Variants in PLD5 observed in about 807,000 individuals in gnomAD.
PLD5 encodes the protein phospholipase D family member 5, also known as inactive phospholipase D5.
PLD5 carries 36 observed loss-of-function variants against 61.1 expected under a neutral mutation model. The observed-to-expected ratio is 0.59, with a 90% CI of 0.45 to 0.78. PLD5 has a LOEUF of 0.78. Ranked by LOEUF, PLD5 falls within the 30% of genes least tolerant of loss-of-function variation. PLD5 has a pLI of 0.00. For synonymous variants in PLD5, 243 were observed against 242.8 expected, an observed-to-expected ratio of 1.00 and a Z score of -0.01; for missense variants, 515 against 644.4, an observed-to-expected ratio of 0.80 and a Z score of 2.17.
rs577218227 is a variant in PLD5, at chr1:242,132,006, T to C, written c.736-7341A>G. ...GCCACTATGCCTGGCTAATTTTTTA[T>C]TTTTAGTAGAGATAGAGTTTCACCA... On this transcript the variant is annotated intron_variant, in intron 5 of 9. Coordinates refer to ENST00000536534, the MANE Select transcript of PLD5 (RefSeq NM_001372062.1). Among the ~76,000 whole-genome samples the C allele has an allele frequency of 1.3e-4, 20 of 151,646 alleles. No individual in the cohort carries two copies. In the East Asian group the frequency reaches 3.9e-3, roughly 30 times the overall value.
intron 4 of PLD5, among the ~76,000 whole-genome samples, chr1:242,249,519 G>C (rs1196252048): frequency 6.6e-6 from 1 of 152,126 alleles, no homozygotes. Flanking sequence ...AAAAGGGAGG[G>C]AGCAAAAAAC....
intron 1 of PLD5, among the ~76,000 whole-genome samples, chr1:242,413,090 G>T (rs1179268386): frequency 1.3e-5 from 2 of 152,108 alleles, no homozygotes; most frequent in African/African-American, 4.8e-5. Context: ...AAGTTCCCGA[G>T]GGCGCCTTCC....
At chr1:242,391,562 TC>T (rs1428143986) in intron 1 of PLD5, among the ~76,000 whole-genome samples, 1 of 30,244 alleles carries the variant, frequency 3.3e-5, no homozygotes, top group African/African-American at 1.8e-4. Flanking sequence ...TCTTTTAATC[TC>T]GCAGAAGTGA....
rs139475183 is a variant in PLD5 at position 242,157,165 on chromosome 1, G to A, written c.736-32500C>T. Among the ~76,000 whole-genome samples, 330 of 152,102 alleles carry A rather than the reference G, an allele frequency of 2.2e-3. 2 individuals carry two copies. Among genetic ancestry groups the A allele is most frequent in the African/African-American group, 7.6e-3 (313 of 41,454 alleles). On this transcript the variant is annotated intron_variant, in intron 5 of 9. Transcript: ENST00000536534. ...CAATTCGGCTATTGATACTGTGTAT[G>A]CTTCACAAAGTTCTCGTGCTATGTT... is the stretch of plus-strand genomic sequence containing the variant.
chr1:242,479,684 A>G (rs1251281105), intron 1 of PLD5, among the ~76,000 whole-genome samples: 1 of 152,182 alleles, frequency 6.6e-6, no homozygotes, highest in Non-Finnish European at 1.5e-5. Flanking sequence ...GCTAAAATAT[A>G]TATAAAATGA....
At chr1:242,285,613 T>C (rs1208032410) in intron 3 of PLD5, among the ~76,000 whole-genome samples, 1 of 151,348 alleles carries the variant, frequency 6.6e-6, no homozygotes, top group Non-Finnish European at 1.5e-5. Context: ...TTTGAAGCCT[T>C]GAGAAAGGGC....
At chr1:242,352,638 A>G (rs1173940735) in intron 1 of PLD5, among the ~76,000 whole-genome samples, 1 of 152,146 alleles carries the variant, frequency 6.6e-6, no homozygotes, top group African/African-American at 2.4e-5. Flanking sequence ...AGTTTTCTAT[A>G]ATGGCTACAC....
chr1:242,278,160 A>C (rs1674516986), intron 3 of PLD5, among the ~76,000 whole-genome samples: 1 of 151,310 alleles, frequency 6.6e-6, no homozygotes, highest in Non-Finnish European at 1.5e-5. Flanking sequence ...AGAGGTTCTT[A>C]CTAATGACAA....
chr1:242,395,003 A>C (rs1465287641), intron 1 of PLD5, among the ~76,000 whole-genome samples: 1 of 137,490 alleles, frequency 7.3e-6, no homozygotes, highest in African/African-American at 2.7e-5. Context: ...ATATGTATAT[A>C]TGAATATATA....
chr1:242,407,141 T>A lies in PLD5; in HGVS notation c.190-58899A>T, dbSNP rs183452472. 2.1e-3 allele frequency among the ~76,000 whole-genome samples: 314 copies of A among 152,278 alleles called. 4 individuals are homozygous for A. Among genetic ancestry groups the A allele is most frequent in the Non-Finnish European group, 1.3e-4 (9 of 68,020 alleles). Reference sequence around the variant, plus strand: ...TCTTTCTCATGATAGTGAGTAAGTCTCATGAGATCTGATGGTTTTATAAAG... The same window carrying A: ...TCTTTCTCATGATAGTGAGTAAGTCACATGAGATCTGATGGTTTTATAAAG... On this transcript the variant is annotated intron_variant, in intron 1 of 9. Transcript: ENST00000536534.
chr1:242,270,329 G>A (rs1673980792), intron 3 of PLD5, among the ~76,000 whole-genome samples: 1 of 151,390 alleles, frequency 6.6e-6, no homozygotes. Flanking sequence ...GGCCGTAGCT[G>A]GAAGACCACT....
intron 3 of PLD5, among the ~76,000 whole-genome samples, chr1:242,276,737 T>A (rs1011332768): frequency 1.3e-5 from 2 of 151,970 alleles, no homozygotes; most frequent in African/African-American, 4.8e-5. Flanking sequence ...TACTCATTTT[T>A]TGGCAATGAG....
At chr1:242,317,690 G>A (rs559196298) in intron 2 of PLD5, among the ~76,000 whole-genome samples, 2 of 149,946 alleles carry the variant, frequency 1.3e-5, no homozygotes, top group South Asian at 2.1e-4. Flanking sequence ...TCAGAAGGTA[G>A]TTAAAAAAGA....
intron 1 of PLD5, among the ~76,000 whole-genome samples, chr1:242,378,353 G>A (rs1662084571): frequency 6.6e-6 from 1 of 152,110 alleles, no homozygotes; most frequent in Non-Finnish European, 1.5e-5. Flanking sequence ...AGGGGCTAGG[G>A]AAAAAGGAGG....
chr1:242,408,798 G>C (rs1392187525), intron 1 of PLD5, among the ~76,000 whole-genome samples: 1 of 152,192 alleles, frequency 6.6e-6, no homozygotes, highest in Non-Finnish European at 1.5e-5. Flanking sequence ...GCCAGGCACA[G>C]TGGCTCACAC....
In PLD5 at chr1:242,411,337, G is replaced by A. The variant is rs967862675; in HGVS notation, c.190-63095C>T. 1.1e-4 allele frequency among the ~76,000 whole-genome samples: 17 copies of A among 152,276 alleles called. No homozygotes were observed. In the East Asian group the frequency reaches 1.7e-3, roughly 16 times the overall value. ...TGCAAGCTCCGCCTCCCGGGTTCAC[G>A]CCATTCTCCTGCCTCAGCCTCCCGA... On this transcript the variant is annotated intron_variant, in intron 1 of 9. Transcript: ENST00000536534.
chr1:242,449,982 C>T (rs2654870), intron 1 of PLD5, among the ~76,000 whole-genome samples: 40,670 of 152,160 alleles, frequency 0.27, 6,230 homozygotes, highest in Non-Finnish European at 0.34. Flanking sequence ...AAGTTCTTTA[C>T]TCATCAAGGC....
Position 242,424,853 on chromosome 1 carries a change from C to T in PLD5, c.190-76611G>A, listed in dbSNP as rs573126146. 8.8e-4 allele frequency among the ~76,000 whole-genome samples: 134 copies of T among 152,148 alleles called. 4 individuals are homozygous for T. In the South Asian group the frequency reaches 0.021, roughly 24 times the overall value. On this transcript the variant is annotated intron_variant, in intron 1 of 9. Transcript: ENST00000536534. ...AAAAATACAATCATGTGTTGCTGAC[C>T]GGGCGTGGTGGCTCACACCTGTAAT...
chr1:242,396,668 CTTTTCTTTT>C (rs1320497067), intron 1 of PLD5, among the ~76,000 whole-genome samples: 1 of 125,150 alleles, frequency 8.0e-6, no homozygotes, highest in African/African-American at 3.9e-5. Context: ...TCTTTCTTTT[CTTTTCTTTT>C]TTTTTTTTTT....
Sources: allele counts gnomAD v4.1 joint callset (sites outside exome capture counted in the v4.1 genomes callset), GRCh38; gene constraint gnomAD v4.1.1; transcripts MANE v1.5; gene names NCBI Gene and HGNC (gene_info 2026-07-23, HGNC 2026-07-21).